The following LARP4 variants were observed in gnomAD, a reference collection of about 807,000 sequenced individuals.
LARP4 encodes the protein La ribonucleoprotein 4, also known as la-related protein 4.
In LARP4, 29 loss-of-function variants were observed where a neutral mutation model predicts 92.9. The observed-to-expected ratio is 0.31, with a 90% CI of 0.23 to 0.43. The LOEUF is 0.43. Ranked by LOEUF, LARP4 falls within the 20% of genes least tolerant of loss-of-function variation. LARP4 has a pLI of 1.00. For missense variants in LARP4, 732 were observed against 860.0 expected (o/e 0.85, Z 1.86); for synonymous variants, 279 against 284.1 (o/e 0.98, Z 0.18).
rs772448221 is a variant in LARP4 at position 50,428,945 on chromosome 12, G to A, written c.177G>A (p.Glu59=). Residue 59 remains glutamate, a synonymous_variant, in exon 3 of 16, where the codon GAG becomes GAA. Transcript: ENST00000398473. ...CTGTCTTTAATACAGGTAATGCAGA[G>A]CTCTCAGAAGATATATGTAAAGAAT... ...TSGAHPEGNA[E]LSEDICKEYE... is the part of the protein sequence containing the mutation. 1 of 1,592,228 alleles carries A rather than the reference G, an allele frequency of 6.3e-7. No homozygotes were observed. Among genetic ancestry groups the A allele is most frequent in the Non-Finnish European group, 8.6e-7 (1 of 1,168,740 alleles).
At chr12:50,420,055 C>T (rs1458435454) in intron 1 of LARP4, among the ~76,000 whole-genome samples, 1 of 151,956 alleles carries the variant, frequency 6.6e-6, no homozygotes, top group Non-Finnish European at 1.5e-5. Context: ...CTCAAAATTA[C>T]AAATATTGGA....
chr12:50,403,727 T>C (rs547306342), intron 1 of LARP4, among the ~76,000 whole-genome samples: 10 of 152,318 alleles, frequency 6.6e-5, no homozygotes, highest in African/African-American at 1.9e-4. Context: ...CTTTTACTTA[T>C]GTGTATTTTT....
chr12:50,475,945 A>T lies in LARP4; in HGVS notation c.*81A>T. 2 of 1,195,804 alleles carry T rather than the reference A, an allele frequency of 1.7e-6. No individual in the cohort carries two copies. Among genetic ancestry groups the T allele is most frequent in the Non-Finnish European group, 1.2e-6 (1 of 847,106 alleles). 74.1% of individuals were successfully genotyped at this position (1,195,804 alleles called of 1,614,324 possible). A position where few individuals can be genotyped will look rare whatever the true frequency, so the allele number is the denominator to read the frequency against. Reference sequence around the variant, plus strand: ...GCTATATTGAACTGTTTTGGAGGGGAGGGGGTAGCCAGGAAGGAAACAAGA... The same window carrying T: ...GCTATATTGAACTGTTTTGGAGGGGTGGGGGTAGCCAGGAAGGAAACAAGA... On this transcript the variant is annotated 3_prime_UTR_variant, in exon 16 of 16. Coordinates refer to ENST00000398473, the MANE Select transcript of LARP4 (RefSeq NM_052879.5).
chr12:50,478,731 T>G lies in LARP4; in HGVS notation c.*2867T>G, dbSNP rs1260149638. ...GTACATAGAGACATTGCAAAACCTG[T>G]CTCCATTTGCTATCCTGATAATTAA... On this transcript the variant is annotated 3_prime_UTR_variant, in exon 16 of 16. Coordinates refer to ENST00000398473, the MANE Select transcript of LARP4 (RefSeq NM_052879.5). 6.6e-6 allele frequency: 1 copy of G among 152,150 alleles called. No individual in the cohort carries two copies. The highest frequency in any genetic ancestry group is 1.5e-5 in the Non-Finnish European group (1 of 67,996). 9.4% of individuals were successfully genotyped at this position (152,150 alleles called of 1,614,324 possible). A position where few individuals can be genotyped will look rare whatever the true frequency, so the allele number is the denominator to read the frequency against.
Position 50,476,799 on chromosome 12 carries a change from T to C in LARP4, c.*935T>C, listed in dbSNP as rs1957566935. On this transcript the variant is annotated 3_prime_UTR_variant, in exon 16 of 16. Transcript: ENST00000398473. ...GCAAAATAACCAACTACCTACTCAA[T>C]TGTGTGTTTGTAATTGCTTTGAGCA... 2.0e-5 allele frequency: 3 copies of C among 152,576 alleles called. No homozygotes were observed. The allele number at this position is 152,576 out of a possible 1,614,324, so 9.5% of individuals were successfully genotyped here.
At chr12:50,403,771 A>ATCAG (rs1388118780) in intron 1 of LARP4, among the ~76,000 whole-genome samples, 2 of 152,186 alleles carry the variant, frequency 1.3e-5, no homozygotes, top group Admixed American at 1.3e-4. Flanking sequence ...TCCCACTAGA[A>ATCAG]TCAGTAGGAT....
rs1387386670 is a variant in LARP4 at position 50,434,346 on chromosome 12, C to A, written c.399-1142C>A. Among the ~76,000 whole-genome samples the A allele has an allele frequency of 6.1e-5, 9 of 148,704 alleles. No individual in the cohort carries two copies. In the East Asian group the frequency reaches 1.8e-3, roughly 30 times the overall value. ...ATGTGTAAGATGCAAGTGTTTGCAT[C>A]TTCTTTTTTTAATGTACCTTAAAGA... On this transcript the variant is annotated intron_variant, in intron 4 of 15. Coordinates refer to ENST00000398473, the MANE Select transcript of LARP4 (RefSeq NM_052879.5).
chr12:50,425,959 C>T (rs4450234), intron 1 of LARP4, among the ~76,000 whole-genome samples: 16,961 of 152,114 alleles, frequency 0.11, 1,849 homozygotes, highest in East Asian at 0.45. Context: ...TTCTTTCTTC[C>T]GTTTAATTCC....
In LARP4 at chr12:50,430,586, C is replaced by G. The variant is rs1487791774; in HGVS notation, c.398+16C>G. 6.7e-7 allele frequency: 1 copy of G among 1,502,536 alleles called. No individual in the cohort carries two copies. The highest frequency in any genetic ancestry group is 1.4e-5 in the African/African-American group (1 of 72,104). 93.1% of individuals were successfully genotyped at this position (1,502,536 alleles called of 1,614,324 possible). On this transcript the variant is annotated intron_variant, in intron 4 of 15. Transcript: ENST00000398473. Reference sequence around the variant, plus strand: ...GTTTTTCACGGTATTGCTGTTTCCCCTTTATTGAATTTTATTAGTAGATGT... The same window carrying G: ...GTTTTTCACGGTATTGCTGTTTCCCGTTTATTGAATTTTATTAGTAGATGT...
chr12:50,434,234 AT>A (rs1950091553), intron 4 of LARP4, among the ~76,000 whole-genome samples: 1 of 152,092 alleles, frequency 6.6e-6, no homozygotes, highest in Non-Finnish European at 1.5e-5. Context: ...ACTTCCAGCT[AT>A]TTATAGCCAG....
intron 8 of LARP4, among the ~76,000 whole-genome samples, chr12:50,449,870 A>G (rs1952837229): frequency 7.0e-6 from 1 of 142,752 alleles, no homozygotes; most frequent in Non-Finnish European, 1.5e-5. Flanking sequence ...GTTCGTGTTG[A>G]TATTGGCCTC....
chr12:50,457,013 A>G (rs1040457232), intron 10 of LARP4, among the ~76,000 whole-genome samples: 2 of 152,054 alleles, frequency 1.3e-5, no homozygotes, highest in African/African-American at 4.8e-5. Context: ...CCCGAGTTCA[A>G]GCAATTCTCT....
intron 3 of LARP4, among the ~76,000 whole-genome samples, 192 bp from the exon 4 acceptor site, chr12:50,430,303 A>C (rs557411219): frequency 6.6e-6 from 1 of 152,174 alleles, no homozygotes; most frequent in Non-Finnish European, 1.5e-5. Context: ...GGTTGAGGCT[A>C]TACTGAGCTG....
At chr12:50,470,027 G>A (rs891675482) in intron 13 of LARP4, among the ~76,000 whole-genome samples, 1 of 151,696 alleles carries the variant, frequency 6.6e-6, no homozygotes, top group African/African-American at 2.4e-5. Context: ...CGAGACCAAT[G>A]TGGGCAACAT....
At chr12:50,401,103 ATG>A in intron 1 of LARP4, 75 bp downstream of exon 1, 1 of 1,561,596 alleles carries the variant, frequency 6.4e-7, no homozygotes, top group East Asian at 2.2e-5. Context: ...TCCCACCGCC[ATG>A]TGACTTTCCG....
At chr12:50,446,003 C>CTTTTTTTTT (rs71441367) in intron 8 of LARP4, among the ~76,000 whole-genome samples, 36 of 126,944 alleles carry the variant, frequency 2.8e-4, no homozygotes, top group Non-Finnish European at 4.7e-4. Context: ...TTTCTTTTTT[C>CTTTTTTTTT]TTTTTTTTTT....
chr12:50,463,030 T>C (rs191578938), intron 12 of LARP4, among the ~76,000 whole-genome samples: 22 of 152,150 alleles, frequency 1.4e-4, no homozygotes, highest in Non-Finnish European at 8.8e-5. Flanking sequence ...TAAGGACTTC[T>C]AGGGAGAGGC....
At chr12:50,445,244 G>A (rs1951831676) in intron 8 of LARP4, among the ~76,000 whole-genome samples, 1 of 152,156 alleles carries the variant, frequency 6.6e-6, no homozygotes, top group Admixed American at 6.5e-5. Context: ...ATGCAGGGAT[G>A]ACAGCTAAAA....
At chr12:50,453,398 T>C in intron 8 of LARP4, 62 bp from the exon 9 acceptor site, 1 of 957,728 alleles carries the variant, frequency 1.0e-6, no homozygotes, top group Non-Finnish European at 1.6e-6. Context: ...AAAATGTAAA[T>C]TAAATGTATT....
Sources: allele counts gnomAD v4.1 joint callset (sites outside exome capture counted in the v4.1 genomes callset), GRCh38; gene constraint gnomAD v4.1.1; transcripts MANE v1.5; gene names NCBI Gene and HGNC (gene_info 2026-07-23, HGNC 2026-07-21).